The following TRDN variants were observed in gnomAD, a reference collection of about 807,000 sequenced individuals.
TRDN encodes triadin, also known as triadin in skeletal muscle.
In TRDN, 161 loss-of-function variants were observed where a neutral mutation model predicts 149.7. The ratio of observed to expected loss-of-function variants is 1.08; its 90% CI spans 0.95 to 1.23. The LOEUF is 1.23. TRDN is among the 50% of genes most tolerant of loss of function. The pLI is 0.00. For missense variants in TRDN, 896 were observed against 823.5 expected (o/e 1.09, Z -1.08); for synonymous variants, 294 against 250.5 (o/e 1.17, Z -1.64).
intron 24 of TRDN, among the ~76,000 whole-genome samples, chr6:123,314,907 C>T (rs1778968837): frequency 6.6e-6 from 1 of 151,872 alleles, no homozygotes. Flanking sequence ...GGCTTAATAC[C>T]TGGGCGATGA....
At chr6:123,619,904 G>C (rs1328109908) in intron 1 of TRDN, among the ~76,000 whole-genome samples, 2 of 152,072 alleles carry the variant, frequency 1.3e-5, no homozygotes, top group Non-Finnish European at 2.9e-5. Context: ...AGCTGATTAT[G>C]GGGAAAATTT....
intron 38 of TRDN, among the ~76,000 whole-genome samples, chr6:123,232,598 C>T (rs1165072494): frequency 6.6e-6 from 1 of 151,670 alleles, no homozygotes; most frequent in African/African-American, 2.4e-5. Context: ...GTAAGAACTG[C>T]AGAGGCATGA....
intron 9 of TRDN, among the ~76,000 whole-genome samples, chr6:123,495,467 C>T (rs761243518): frequency 4.6e-5 from 7 of 151,244 alleles, no homozygotes; most frequent in Admixed American, 1.3e-4. Context: ...TGCAGTGAGC[C>T]GAGATCACAC....
intron 5 of TRDN, among the ~76,000 whole-genome samples, chr6:123,520,278 A>G (rs996613949): frequency 2.6e-5 from 4 of 152,306 alleles, no homozygotes; most frequent in Admixed American, 6.5e-5. Flanking sequence ...TAACTTTAAT[A>G]TAAGCATGCA....
chr6:123,509,051 T>A (rs1349398245), intron 7 of TRDN, among the ~76,000 whole-genome samples: 1 of 152,062 alleles, frequency 6.6e-6, no homozygotes, highest in Non-Finnish European at 1.5e-5. Flanking sequence ...CACATACATA[T>A]ATATGTTTTA....
intron 5 of TRDN, chr6:123,528,846 T>C: frequency 2.9e-6 from 3 of 1,019,054 alleles, no homozygotes; most frequent in Non-Finnish European, 3.5e-6. Flanking sequence ...TCCAGCTCAG[T>C]GTGGAGCAAC....
intron 1 of TRDN, among the ~76,000 whole-genome samples, chr6:123,601,601 T>C (rs1162801963): frequency 6.6e-6 from 1 of 152,102 alleles, no homozygotes; most frequent in Non-Finnish European, 1.5e-5. Flanking sequence ...CAGTCAGGGC[T>C]GCTACACCAG....
At chr6:123,457,707 T>C (rs1203835637) in intron 10 of TRDN, 1 of 311,352 alleles carries the variant, frequency 3.2e-6, no homozygotes, top group East Asian at 8.3e-5. Context: ...AAGATACCTA[T>C]GTTACCTCAG....
chr6:123,551,319 G>A (rs907958167), intron 2 of TRDN, among the ~76,000 whole-genome samples: 8 of 142,352 alleles, frequency 5.6e-5, no homozygotes, highest in Non-Finnish European at 1.2e-4. Flanking sequence ...CAGCCATGTG[G>A]ACCACTTCTT....
chr6:123,280,476 G>T (rs1158459565), intron 24 of TRDN, among the ~76,000 whole-genome samples: 2 of 151,786 alleles, frequency 1.3e-5, no homozygotes, highest in Non-Finnish European at 2.9e-5. Context: ...TAATTTTCTG[G>T]GAATTTTCCA....
chr6:123,329,626 T>G (rs992990116), intron 23 of TRDN, among the ~76,000 whole-genome samples: 5 of 152,074 alleles, frequency 3.3e-5, no homozygotes, highest in Non-Finnish European at 7.4e-5. Context: ...TTCAGCATCA[T>G]AGGTCTGAAT....
chr6:123,606,281 C>T (rs934325376), intron 1 of TRDN, among the ~76,000 whole-genome samples: 5 of 151,974 alleles, frequency 3.3e-5, no homozygotes, highest in African/African-American at 1.2e-4. Flanking sequence ...TGATTTAATC[C>T]ATACATACAT....
chr6:123,457,602 T>A (rs1050517397), intron 10 of TRDN: 1 of 442,510 alleles, frequency 2.3e-6, no homozygotes, highest in Admixed American at 2.5e-5. Flanking sequence ...TATTTGTTTT[T>A]GTGTTTTTAA....
intron 12 of TRDN, among the ~76,000 whole-genome samples, chr6:123,421,162 C>G (rs1773882229): frequency 6.6e-6 from 1 of 152,186 alleles, no homozygotes. Flanking sequence ...TTGCTATATA[C>G]TGGGTGAATT....
At chr6:123,592,828 C>T (rs1783848901) in intron 1 of TRDN, among the ~76,000 whole-genome samples, 1 of 152,132 alleles carries the variant, frequency 6.6e-6, no homozygotes, top group Non-Finnish European at 1.5e-5. Flanking sequence ...GGGTTATGCT[C>T]TGCAAGATAT....
chr6:123,581,815 C>A (rs1783135372), intron 1 of TRDN, among the ~76,000 whole-genome samples: 1 of 152,136 alleles, frequency 6.6e-6, no homozygotes, highest in Admixed American at 6.6e-5. Context: ...TAATGCCAAT[C>A]ATCAAACAGA....
At chr6:123,220,295 T>C (rs1193742013) in intron 40 of TRDN, among the ~76,000 whole-genome samples, 1 of 151,910 alleles carries the variant, frequency 6.6e-6, no homozygotes, top group African/African-American at 2.4e-5. Context: ...TAGAACAATA[T>C]TCCAACTAGG....
At chr6:123,397,785 T>C (rs114867864) in intron 12 of TRDN, among the ~76,000 whole-genome samples, 250 of 152,306 alleles carry the variant, frequency 1.6e-3, no homozygotes, top group African/African-American at 5.7e-3. Context: ...AAATTTTTAA[T>C]TAATTTGCAT....
rs780390851 is a variant in TRDN at position 123,367,511 on chromosome 6, T to C, written c.1274-1329A>G. 2.1e-4 allele frequency among the ~76,000 whole-genome samples: 32 copies of C among 152,156 alleles called. 1 individual carries two copies. The highest frequency in any genetic ancestry group is 4.3e-4 in the Non-Finnish European group (29 of 68,026). On this transcript the variant is annotated intron_variant, in intron 19 of 40. Coordinates refer to ENST00000334268, the MANE Select transcript of TRDN (RefSeq NM_006073.4). ...CTTTCAGGTTTTAATTCCACAATGA[T>C]AGATGCCCCAAGAGTCACAATTTAA... is the stretch of plus-strand genomic sequence containing the variant.
Sources: allele counts gnomAD v4.1 joint callset (sites outside exome capture counted in the v4.1 genomes callset), GRCh38; gene constraint gnomAD v4.1.1; transcripts MANE v1.5; gene names NCBI Gene and HGNC (gene_info 2026-07-23, HGNC 2026-07-21).